Variants in HIPK1 observed in about 807,000 individuals in gnomAD.
HIPK1 encodes the protein homeodomain-interacting protein kinase 1.
Under a neutral mutation model 117.1 loss-of-function variants are expected in HIPK1, and 28 were observed. That is an observed-to-expected ratio of 0.24 (90% CI 0.18 to 0.33). The LOEUF (loss-of-function observed/expected upper bound fraction) is 0.33, where lower values mean the gene tolerates loss of function less well. Ranked by LOEUF, HIPK1 falls within the 10% of genes least tolerant of loss-of-function variation. HIPK1 has a pLI of 1.00. For synonymous variants in HIPK1, 605 were observed against 562.5 expected, an observed-to-expected ratio of 1.08 and a Z score of -1.07; for missense variants, 1,122 against 1,475.1, an observed-to-expected ratio of 0.76 and a Z score of 3.92.
chr1:113,936,583 G>A (rs901042581), intron 1 of HIPK1, among the ~76,000 whole-genome samples: 1 of 152,030 alleles, frequency 6.6e-6, no homozygotes, highest in African/African-American at 2.4e-5. Flanking sequence ...TCCTGCCTCA[G>A]CCTCCTGAGT....
At position 113,954,770 on chromosome 1, in the gene HIPK1, G is replaced by A. The variant is rs1175995052; in HGVS notation, c.1320G>A (p.Lys440=). Residue 440 remains lysine (K), a splice_region_variant and synonymous_variant, in exon 4 of 16, where the codon AAG becomes AAA. Transcript: ENST00000426820. ...TGGGGTACCCACTGTGGAGGCTTAA[G>A]GTCTGTCTTCCCTACTATGCTTCCG... The part of the protein sequence containing the change: ...PNLGYPLWRL[K]TPEEHELETG... 6.2e-7 allele frequency: 1 copy of A among 1,613,554 alleles called. No homozygotes were observed. The highest frequency in any genetic ancestry group is 1.3e-5 in the African/African-American group (1 of 74,868).
rs890847538 is a variant in HIPK1 at position 113,968,337 on chromosome 1, T to C, written c.2565-105T>C. On this transcript the variant is annotated intron_variant, in intron 12 of 15. Transcript: ENST00000426820. ...GTTAAATGTATTTGCTTAATGATTA[T>C]GTAAAAAGGAATCAATGAGTAAATT... The C allele has an allele frequency of 4.9e-6, 4 of 818,710 alleles. No homozygotes were observed. The African/African-American group carries it at 5.1e-5, about 10-fold the overall frequency. 50.7% of individuals were successfully genotyped at this position (818,710 alleles called of 1,614,324 possible). A position where few individuals can be genotyped will look rare whatever the true frequency, so the allele number is the denominator to read the frequency against.
intron 1 of HIPK1, among the ~76,000 whole-genome samples, chr1:113,937,119 GT>G (rs1670302714): frequency 6.6e-6 from 1 of 152,146 alleles, no homozygotes. Flanking sequence ...CAGCCTCACA[GT>G]TAAATTGTAC....
chr1:113,962,258 C>A, intron 8 of HIPK1, 59 bp from the exon 9 acceptor site: 4 of 1,559,894 alleles, frequency 2.6e-6, no homozygotes, highest in South Asian at 2.3e-5. Context: ...ACAAAATAAT[C>A]TTAAAACAGT....
intron 2 of HIPK1, among the ~76,000 whole-genome samples, chr1:113,952,245 G>A (rs926918195): frequency 7.1e-5 from 10 of 141,152 alleles, no homozygotes; most frequent in African/African-American, 2.8e-4. Context: ...AGTTGACCAG[G>A]CCTTTTAATT....
At position 113,940,771 on chromosome 1, in the gene HIPK1, G is replaced by C. The variant is rs1223570827; in HGVS notation, c.388G>C (p.Val130Leu). 6.2e-7 allele frequency: 1 copy of C among 1,614,130 alleles called. No homozygotes were observed. The highest frequency in any genetic ancestry group is 1.1e-5 in the South Asian group (1 of 91,080). The change falls in exon 2 of 16, where the codon GTT becomes CTT. Residue 130 changes from valine (V) to leucine (L), a missense_variant. By Grantham distance (32) the Val-to-Leu change is conservative (BLOSUM62 1). Transcript: ENST00000426820. ...KCGLKRKSEEVDSNGSVQIIE... is the reference protein window; with the variant it reads ...KCGLKRKSEELDSNGSVQIIE... ...TGGATTGAAACGAAAAAGTGAGGAAGTTGACAGCAACGGTAGTGTGCAGAT... is the reference window on the plus strand; with the variant it reads ...TGGATTGAAACGAAAAAGTGAGGAACTTGACAGCAACGGTAGTGTGCAGAT...
At position 113,977,859 on chromosome 1, in the gene HIPK1, C is replaced by G. The variant is rs1427824816; in HGVS notation, c.*4347C>G. On this transcript the variant is annotated 3_prime_UTR_variant, in exon 16 of 16. Transcript: ENST00000426820. Reference sequence around the variant, plus strand: ...TATAAAGGGGATCAATAAATGACATCTTTGAAAGTGGCTAAGCATATTGTA... The same window carrying G: ...TATAAAGGGGATCAATAAATGACATGTTTGAAAGTGGCTAAGCATATTGTA... 1 of 152,628 alleles carries G rather than the reference C, an allele frequency of 6.6e-6. No homozygotes were observed. Among genetic ancestry groups the G allele is most frequent in the Non-Finnish European group, 1.5e-5 (1 of 68,030 alleles). 9.5% of individuals were successfully genotyped at this position (152,628 alleles called of 1,614,324 possible). A position where few individuals can be genotyped will look rare whatever the true frequency, so the allele number is the denominator to read the frequency against.
chr1:113,931,029 T>C (rs1451094475), intron 1 of HIPK1, among the ~76,000 whole-genome samples: 1 of 152,202 alleles, frequency 6.6e-6, no homozygotes, highest in Non-Finnish European at 1.5e-5. Context: ...CTTTATCTTG[T>C]TTCTTAGTAA....
At chr1:113,957,448 C>T (rs1030599150) in intron 7 of HIPK1, among the ~76,000 whole-genome samples, 162 bp downstream of exon 7, 1 of 152,202 alleles carries the variant, frequency 6.6e-6, no homozygotes, top group Non-Finnish European at 1.5e-5. Flanking sequence ...ACTGATAATA[C>T]TTACCAGGCA....
chr1:113,965,066 T>A (rs1191637649), intron 10 of HIPK1, among the ~76,000 whole-genome samples: 1 of 152,272 alleles, frequency 6.6e-6, no homozygotes, highest in Non-Finnish European at 1.5e-5. Context: ...ATTCTGCTTA[T>A]GGTAGCAGAC....
Position 113,971,905 on chromosome 1 carries a change from G to A in HIPK1, c.3095G>A (p.Arg1032Gln), listed in dbSNP as rs188188044. Reference protein sequence around the residue: ...SGCCITPTGYRAQRGGTSAAQ... With the variant: ...SGCCITPTGYQAQRGGTSAAQ... The stretch of plus-strand genomic sequence containing the variant: ...TGCTGTATCACCCCCACAGGGTATC[G>A]AGCTCAACGCGGGGGGACCAGTGCA... Residue 1032 changes from arginine to glutamine, a missense_variant, in exon 15 of 16, where the codon CGA becomes CAA. Physicochemically the swap from Arg to Gln is conservative, Grantham distance 43 (BLOSUM62 1). This residue lies in a region of HIPK1 where 731 missense variants were observed against 860.4 expected (regional missense o/e 0.85). Coordinates refer to ENST00000426820, the MANE Select transcript of HIPK1 (RefSeq NM_198268.3). 30 of 1,607,466 alleles carry A rather than the reference G, an allele frequency of 1.9e-5. No individual in the cohort carries two copies. Among genetic ancestry groups the A allele is most frequent in the East Asian group, 1.3e-4 (6 of 44,668 alleles).
chr1:113,935,308 G>C (rs148756848), intron 1 of HIPK1, among the ~76,000 whole-genome samples: 2 of 152,138 alleles, frequency 1.3e-5, no homozygotes, highest in Non-Finnish European at 2.9e-5. Context: ...GTTTGTTTAG[G>C]ATAGTGGCCC....
Position 113,968,630 on chromosome 1 carries a change from A to G in HIPK1, c.2753A>G (p.Asn918Ser), listed in dbSNP as rs1417234963. 1 of 1,613,628 alleles carries G rather than the reference A, an allele frequency of 6.2e-7. No homozygotes were observed. The highest frequency in any genetic ancestry group is 1.7e-5 in the Admixed American group (1 of 60,024). ...IRSDTDEEED[N>S]KYKPSSSGLK... ...AGTGACACTGATGAGGAAGAGGACA[A>G]CAAATACAAGCCCAGTAGGTAAGAT... Residue 918 changes from asparagine (N) to serine (S), a missense_variant, in exon 13 of 16, where the codon AAC becomes AGC. By Grantham distance (46) the Asn-to-Ser change is conservative (BLOSUM62 1). Coordinates refer to ENST00000426820, the MANE Select transcript of HIPK1 (RefSeq NM_198268.3).
At chr1:113,942,769 A>G (rs558593008) in intron 2 of HIPK1, among the ~76,000 whole-genome samples, 2 of 152,314 alleles carry the variant, frequency 1.3e-5, no homozygotes, top group Non-Finnish European at 2.9e-5. Flanking sequence ...GGCTTTTAAA[A>G]TGTGCTTTTT....
intron 2 of HIPK1, among the ~76,000 whole-genome samples, chr1:113,944,056 CT>C (rs1440404901): frequency 6.6e-6 from 1 of 151,392 alleles, no homozygotes; most frequent in Admixed American, 6.6e-5. Context: ...TCTCAAACTA[CT>C]GGCCTCAAGC....
intron 1 of HIPK1, chr1:113,933,084 T>C (rs1670005876): frequency 5.2e-6 from 3 of 577,472 alleles, no homozygotes; most frequent in Admixed American, 1.3e-4. Flanking sequence ...TACTAAAATG[T>C]AGTACCTTTT....
intron 10 of HIPK1, among the ~76,000 whole-genome samples, chr1:113,963,834 A>T (rs1672283230): frequency 1.3e-5 from 2 of 152,146 alleles, no homozygotes; most frequent in Admixed American, 1.3e-4. Flanking sequence ...CTCTCGATGT[A>T]GCCTCAGAAG....
At chr1:113,957,364 C>A in intron 7 of HIPK1, 78 bp downstream of exon 7, 1 of 1,208,706 alleles carries the variant, frequency 8.3e-7, no homozygotes, top group Non-Finnish European at 1.2e-6. Context: ...GGTAAAGAAC[C>A]AATTTTTGTT....
chr1:113,959,457 G>T (rs895547228), intron 8 of HIPK1, among the ~76,000 whole-genome samples: 1 of 152,192 alleles, frequency 6.6e-6, no homozygotes, highest in Non-Finnish European at 1.5e-5. Flanking sequence ...AGTAAATTCT[G>T]TAGTTGGGAT....
Sources: gnomAD v4.1 joint callset for allele counts (sites outside exome capture counted in the v4.1 genomes callset) on GRCh38, gnomAD v4.1.1 for gene constraint, gnomAD v4.1.1 regional missense constraint, MANE v1.5 for transcripts, NCBI Gene and HGNC (gene_info 2026-07-23, HGNC 2026-07-21) for gene names.